Variants in UBP1 observed in about 807,000 individuals in gnomAD.
UBP1 encodes upstream binding protein 1, also known as upstream-binding protein 1.
UBP1 carries 22 observed loss-of-function variants against 76.1 expected under a neutral mutation model. The ratio of observed to expected loss-of-function variants is 0.29; its 90% CI spans 0.21 to 0.41. UBP1 has a LOEUF of 0.41. Ranked by LOEUF, UBP1 falls within the 10% of genes least tolerant of loss-of-function variation. The pLI is 1.00. For synonymous variants in UBP1, 224 were observed against 237.1 expected (o/e 0.94, Z 0.51); for missense variants, 436 against 668.1 (o/e 0.65, Z 3.83).
rs538570365 is a variant in UBP1 at position 33,402,229 on chromosome 3, G to A, written c.1031+572C>T. On this transcript the variant is annotated intron_variant, in intron 9 of 15. Transcript: ENST00000283629. ...GCTGTACCTTCAAGATGCCCCAAAT[G>A]CAGTCTCTTGCTCCCACCCTGAGCT... 2.0e-5 allele frequency among the ~76,000 whole-genome samples: 3 copies of A among 152,278 alleles called. No individual in the cohort carries two copies. The South Asian group carries it at 6.2e-4, about 32-fold the overall frequency.
chr3:33,439,684 C>G (rs1398123272), intron 1 of UBP1, 52 bp downstream of exon 1: 2 of 1,587,362 alleles, frequency 1.3e-6, no homozygotes, highest in Non-Finnish European at 1.7e-6. Flanking sequence ...CAGGGCTGCG[C>G]AGGCCTTCCC....
chr3:33,413,929 C>T (rs183377481), intron 3 of UBP1, among the ~76,000 whole-genome samples: 6 of 152,190 alleles, frequency 3.9e-5, no homozygotes, highest in East Asian at 3.9e-4. Context: ...CTAGCCAGCT[C>T]GTCTCCAGAA....
intron 13 of UBP1, 81 bp from the exon 14 acceptor site, chr3:33,393,535 G>A (rs2043851435): frequency 2.9e-6 from 4 of 1,388,356 alleles, no homozygotes; most frequent in South Asian, 1.5e-5. Flanking sequence ...GGATCTGTAC[G>A]AAGGTCACAC....
At chr3:33,441,163 G>C (rs976599602), upstream of UBP1, 12 of 152,288 alleles carry the variant, frequency 7.9e-5, no homozygotes, top group African/African-American at 2.9e-4. Context: ...GGCCCGAAGG[G>C]TCTTCCTCAG....
chr3:33,421,770 T>C (rs1172585190), intron 2 of UBP1, among the ~76,000 whole-genome samples: 1 of 152,204 alleles, frequency 6.6e-6, no homozygotes, highest in Non-Finnish European at 1.5e-5. Flanking sequence ...CCATTTCGGC[T>C]GGGAGTGGTG....
At chr3:33,411,790 G>C in intron 4 of UBP1, 103 bp from the exon 5 acceptor site, 1 of 907,112 alleles carries the variant, frequency 1.1e-6, no homozygotes, top group Non-Finnish European at 1.7e-6. Context: ...TAACTGCTTT[G>C]AACTCTGTCT....
chr3:33,439,269 C>T (rs2045249279), intron 1 of UBP1, among the ~76,000 whole-genome samples: 1 of 152,340 alleles, frequency 6.6e-6, no homozygotes, highest in African/African-American at 2.4e-5. Context: ...AATTTACTAA[C>T]ATCAAGTGAT....
At chr3:33,429,572 A>G (rs1411648132) in intron 1 of UBP1, among the ~76,000 whole-genome samples, 1 of 151,938 alleles carries the variant, frequency 6.6e-6, no homozygotes, top group Non-Finnish European at 1.5e-5. Context: ...CAAGTGATCC[A>G]CCCACCTCGG....
intron 13 of UBP1, among the ~76,000 whole-genome samples, chr3:33,395,061 C>A (rs2154054881): frequency 6.6e-6 from 1 of 152,230 alleles, no homozygotes; most frequent in African/African-American, 2.4e-5. Context: ...AATACACCTT[C>A]CAAAATATTA....
chr3:33,400,828 T>C, intron 10 of UBP1, 134 bp downstream of exon 10: 1 of 828,998 alleles, frequency 1.2e-6, no homozygotes, highest in East Asian at 2.8e-5. Context: ...ACCCAAAATA[T>C]CCTGACTCGA....
At chr3:33,436,391 C>G (rs2045205461) in intron 1 of UBP1, among the ~76,000 whole-genome samples, 1 of 152,162 alleles carries the variant, frequency 6.6e-6, no homozygotes, top group Non-Finnish European at 1.5e-5. Flanking sequence ...GTCATTAGCT[C>G]AAAGCAGTTT....
chr3:33,433,100 G>A (rs566811832), intron 1 of UBP1, among the ~76,000 whole-genome samples: 12 of 150,714 alleles, frequency 8.0e-5, no homozygotes, highest in Admixed American at 4.0e-4. Context: ...TCACTCTGTC[G>A]CCCAGGCTGG....
intron 8 of UBP1, among the ~76,000 whole-genome samples, chr3:33,403,971 C>A (rs927707412): frequency 4.6e-5 from 7 of 152,182 alleles, no homozygotes; most frequent in East Asian, 1.9e-4. Context: ...CCAGGCTGGA[C>A]ACGGTGACTC....
intron 8 of UBP1, among the ~76,000 whole-genome samples, chr3:33,404,395 G>A (rs895281905): frequency 4.6e-5 from 7 of 151,880 alleles, no homozygotes; most frequent in African/African-American, 1.7e-4. Context: ...CTGGGTGACA[G>A]AGCGAGATTC....
At chr3:33,392,636 G>A (rs62252101) in intron 14 of UBP1, 22 bp from the exon 15 acceptor site, 204,665 of 1,588,604 alleles carry the variant, frequency 0.13, 14,922 homozygotes, top group Non-Finnish European at 0.15. Context: ...AAGTAAATGC[G>A]TAAGTACAAT....
chr3:33,419,176 A>G (rs1013938621), intron 2 of UBP1, among the ~76,000 whole-genome samples: 5 of 152,262 alleles, frequency 3.3e-5, no homozygotes, highest in African/African-American at 1.2e-4. Flanking sequence ...CCTCAAAGAC[A>G]GCCAGGAGCT....
In UBP1 at chr3:33,401,020, GGGAGAAA is replaced by G; in HGVS notation, c.1032-11_1032-5del. 1 of 1,586,426 alleles carries G rather than the reference GGGAGAAA, an allele frequency of 6.3e-7. No individual in the cohort carries two copies. Among genetic ancestry groups the G allele is most frequent in the Non-Finnish European group, 8.5e-7 (1 of 1,169,928 alleles). ...ATGATTTGGGGAAGAAGAATTGCTG[GGGAGAAA>G]GGAGAAAGAAGGAAATGATGATTTT... On this transcript the variant is annotated splice_region_variant and splice_polypyrimidine_tract_variant and intron_variant, in intron 9 of 15. Coordinates refer to ENST00000283629, the MANE Select transcript of UBP1 (RefSeq NM_014517.5).
intron 1 of UBP1, among the ~76,000 whole-genome samples, chr3:33,428,245 A>C (rs1010203672): frequency 6.6e-6 from 1 of 151,928 alleles, no homozygotes; most frequent in African/African-American, 2.4e-5. Context: ...ATAACAGTCA[A>C]ATTGGCTCCA....
chr3:33,436,314 C>CAGT (rs1428218967), intron 1 of UBP1, among the ~76,000 whole-genome samples: 1 of 152,218 alleles, frequency 6.6e-6, no homozygotes, highest in Non-Finnish European at 1.5e-5. Context: ...TCATTAACTA[C>CAGT]AGTAACCTTG....
Sources: allele counts gnomAD v4.1 joint callset (sites outside exome capture counted in the v4.1 genomes callset), GRCh38; gene constraint gnomAD v4.1.1; transcripts MANE v1.5; gene names NCBI Gene and HGNC (gene_info 2026-07-23, HGNC 2026-07-21).